TNPO1: variants seen among roughly 807,000 people sequenced by gnomAD.
The protein encoded by TNPO1 is transportin-1.
In TNPO1, 8 loss-of-function variants were observed where a neutral mutation model predicts 119.5. The ratio of observed to expected loss-of-function variants is 0.07; its 90% CI spans 0.04 to 0.12. The LOEUF (loss-of-function observed/expected upper bound fraction) is 0.12. Ranked by LOEUF, TNPO1 falls within the 10% of genes least tolerant of loss-of-function variation. TNPO1 has a pLI of 1.00. For synonymous variants in TNPO1, 362 were observed against 363.0 expected, an observed-to-expected ratio of 1.00 and a Z score of 0.03; for missense variants, 576 against 1,089.8, an observed-to-expected ratio of 0.53 and a Z score of 6.64.
chr5:72,844,784 T>C (rs1302125271), intron 1 of TNPO1, among the ~76,000 whole-genome samples: 1 of 152,170 alleles, frequency 6.6e-6, no homozygotes, highest in Non-Finnish European at 1.5e-5. Flanking sequence ...AGTCCATATC[T>C]CCAGTCTGCT....
intron 1 of TNPO1, among the ~76,000 whole-genome samples, chr5:72,842,661 C>T (rs1169440721): frequency 2.6e-5 from 4 of 152,174 alleles, no homozygotes; most frequent in East Asian, 1.9e-4. Context: ...CCTATGGCTC[C>T]TCCTGCCCTC....
chr5:72,902,142 CAA>C (rs1256730515), intron 22 of TNPO1, among the ~76,000 whole-genome samples: 4 of 151,954 alleles, frequency 2.6e-5, no homozygotes, highest in Non-Finnish European at 5.9e-5. Context: ...GGAATGCACA[CAA>C]GAGTTATAAA....
rs150218985 is a variant in TNPO1, at chr5:72,862,526, G to A, written c.462+612G>A. 753 of 151,732 alleles carry A rather than the reference G, an allele frequency of 5.0e-3. 5 individuals carry two copies. Among genetic ancestry groups the A allele is most frequent in the Middle Eastern group, 0.023 (7 of 298 alleles). The allele number at this position is 151,732 out of a possible 1,614,324, so 9.4% of individuals were successfully genotyped here. ...TTTTTTTTGGTAGAGATGGGGTCGC[G>A]CTGTTGTTCAGGCTGACCCTGAACT... On this transcript the variant is annotated intron_variant, in intron 5 of 24. Coordinates refer to ENST00000337273, the MANE Select transcript of TNPO1 (RefSeq NM_002270.4).
intron 7 of TNPO1, among the ~76,000 whole-genome samples, chr5:72,873,563 T>C (rs1747557408): frequency 6.6e-6 from 1 of 152,128 alleles, no homozygotes; most frequent in Non-Finnish European, 1.5e-5. Context: ...TTAAATAGTT[T>C]TACTGACTAC....
At chr5:72,877,962 A>T (rs938754830) in intron 9 of TNPO1, among the ~76,000 whole-genome samples, 1 of 152,168 alleles carries the variant, frequency 6.6e-6, no homozygotes, top group African/African-American at 2.4e-5. Context: ...CATTAACATG[A>T]CATCTTGCCT....
At chr5:72,872,540 C>G in intron 6 of TNPO1, 99 bp from the exon 7 acceptor site, 1 of 718,924 alleles carries the variant, frequency 1.4e-6, no homozygotes, top group Non-Finnish European at 2.2e-6. Context: ...TATTGATAGA[C>G]ATATCATAAT....
Position 72,852,502 on chromosome 5 carries a change from C to T in TNPO1, c.205+1183C>T, listed in dbSNP as rs1240960161. 5.3e-5 allele frequency among the ~76,000 whole-genome samples: 8 copies of T among 152,242 alleles called. No individual in the cohort carries two copies. In the East Asian group the frequency reaches 5.8e-4, roughly 11 times the overall value. ...ATAGAAGTCAATTAAATATTTATTGCGCAACTGATTGGCCTCTAAATGAAA... is the reference window on the plus strand; with the variant it reads ...ATAGAAGTCAATTAAATATTTATTGTGCAACTGATTGGCCTCTAAATGAAA... On this transcript the variant is annotated intron_variant, in intron 3 of 24. Transcript: ENST00000337273.
chr5:72,841,542 C>T (rs776901206), intron 1 of TNPO1, among the ~76,000 whole-genome samples: 7 of 151,726 alleles, frequency 4.6e-5, no homozygotes, highest in African/African-American at 9.7e-5. Flanking sequence ...TTAGTAGAGA[C>T]GGGGTTTCAC....
intron 4 of TNPO1, among the ~76,000 whole-genome samples, chr5:72,857,498 A>G (rs574252430): frequency 2.0e-5 from 3 of 152,328 alleles, no homozygotes; most frequent in Admixed American, 1.3e-4. Flanking sequence ...AGAACTCCCT[A>G]GATTACTCTA....
rs530734596 is a variant in TNPO1, at chr5:72,905,736, A to G, written c.*35+291A>G. Among the ~76,000 whole-genome samples the G allele has an allele frequency of 2.6e-5, 4 of 152,244 alleles. No individual in the cohort carries two copies. The South Asian group carries it at 8.3e-4, about 32-fold the overall frequency. ...ATGGTGAAAACCCATCTCTACTAAAAATACAAAAATTAGCCACGTGTGGTG... is the reference window on the plus strand; with the variant it reads ...ATGGTGAAAACCCATCTCTACTAAAGATACAAAAATTAGCCACGTGTGGTG... On this transcript the variant is annotated intron_variant, in intron 24 of 24. Coordinates refer to ENST00000337273, the MANE Select transcript of TNPO1 (RefSeq NM_002270.4).
rs535635693 is a variant in TNPO1, at chr5:72,838,724, CTT to C, written c.16-9658_16-9657del. Among the ~76,000 whole-genome samples, 289 of 152,262 alleles carry C rather than the reference CTT, an allele frequency of 1.9e-3. 1 individual carries two copies. The highest frequency in any genetic ancestry group is 3.2e-3 in the Non-Finnish European group (217 of 67,998). On this transcript the variant is annotated intron_variant, in intron 1 of 24. Transcript: ENST00000337273. ...CAGTGTTACTTGAAGACAAGCTACT[CTT>C]TTAATTGATGGTACTTACATATTTA...
chr5:72,870,095 T>C (rs770132617), intron 6 of TNPO1, among the ~76,000 whole-genome samples: 1 of 151,860 alleles, frequency 6.6e-6, no homozygotes, highest in Non-Finnish European at 1.5e-5. Context: ...GGAATTTACG[T>C]TGGAATAACA....
chr5:72,873,598 G>A, intron 7 of TNPO1, among the ~76,000 whole-genome samples: 1 of 152,092 alleles, frequency 6.6e-6, no homozygotes, highest in East Asian at 1.9e-4. Flanking sequence ...CAGATACTGT[G>A]TTTGATACTA....
chr5:72,862,990 TTTTGTG>T (rs902057976), intron 5 of TNPO1, among the ~76,000 whole-genome samples: 10 of 97,534 alleles, frequency 1.0e-4, no homozygotes, highest in African/African-American at 3.5e-4. Flanking sequence ...ACCTGTGGGT[TTTTGTG>T]TGTGTGTGTG....
chr5:72,839,772 G>A (rs901962055), intron 1 of TNPO1, among the ~76,000 whole-genome samples: 5 of 152,048 alleles, frequency 3.3e-5, no homozygotes, highest in Non-Finnish European at 7.4e-5. Context: ...TAATATAATG[G>A]TTCTCAACTG....
intron 1 of TNPO1, among the ~76,000 whole-genome samples, chr5:72,844,905 T>A (rs1745061795): frequency 6.6e-6 from 1 of 152,228 alleles, no homozygotes; most frequent in African/African-American, 2.4e-5. Flanking sequence ...TGTAGCAAAT[T>A]CAAAATTTTT....
At chr5:72,887,859 TA>T (rs1339787103) in intron 12 of TNPO1, among the ~76,000 whole-genome samples, 1 of 152,216 alleles carries the variant, frequency 6.6e-6, no homozygotes, top group Non-Finnish European at 1.5e-5. Context: ...GTCCTGGCAG[TA>T]AACATCTATT....
At position 72,897,131 on chromosome 5, in the gene TNPO1, A is replaced by G; in HGVS notation, c.2318A>G (p.Lys773Arg). 2.5e-6 allele frequency: 4 copies of G among 1,609,904 alleles called. No homozygotes were observed. The highest frequency in any genetic ancestry group is 3.4e-6 in the Non-Finnish European group (4 of 1,178,494). The change falls in exon 20 of 25, where the codon AAG becomes AGG. Residue 773 changes from lysine (K) to arginine (R), a missense_variant. Around this residue, in one of 6 missense-constraint regions of TNPO1, gnomAD observed 162 missense variants for 294.1 expected, o/e 0.55. Transcript: ENST00000337273. ...VEIINRPNTP[K>R]TLLENTAITI... The stretch of plus-strand genomic sequence containing the variant: ...ATCATTAACAGACCCAACACACCAA[A>G]GACGTTGTTAGAGAATACAGGTACC...
Position 72,851,251 on chromosome 5 carries a change from A to G in TNPO1, c.137A>G (p.Glu46Gly). Reference sequence around the variant, plus strand: ...AACTACTGTTTGTTCTAGAAACTGGAACAACTTAATCAGTATCCAGACTTT... The same window carrying G: ...AACTACTGTTTGTTCTAGAAACTGGGACAACTTAATCAGTATCCAGACTTT... ...TIQRTVQQKL[E>G]QLNQYPDFNN... Residue 46 changes from glutamate (E) to glycine (G), a missense_variant, in exon 3 of 25, where the codon GAA becomes GGA. Physicochemically the swap from Glu to Gly is moderately conservative, Grantham distance 98 (BLOSUM62 -2). Coordinates refer to ENST00000337273, the MANE Select transcript of TNPO1 (RefSeq NM_002270.4). The G allele has an allele frequency of 6.3e-7, 1 of 1,593,738 alleles. No individual in the cohort carries two copies.
Sources: allele counts gnomAD v4.1 joint callset (sites outside exome capture counted in the v4.1 genomes callset), GRCh38; gene constraint gnomAD v4.1.1; regional missense constraint gnomAD v4.1.1; transcripts MANE v1.5; gene names NCBI Gene and HGNC (gene_info 2026-07-23, HGNC 2026-07-21).